Variants in MYRIP observed in about 807,000 individuals in gnomAD.
The protein encoded by MYRIP is rab effector MyRIP.
Under a neutral mutation model 98.0 loss-of-function variants are expected in MYRIP, and 49 were observed. That is an observed-to-expected ratio of 0.50 (90% CI 0.40 to 0.63). The LOEUF (loss-of-function observed/expected upper bound fraction) is 0.63, where lower values mean the gene tolerates loss of function less well. MYRIP is among the 30% of genes least tolerant of loss of function. MYRIP has a pLI of 0.00. For synonymous variants in MYRIP, 404 were observed against 409.5 expected (o/e 0.99, Z 0.16); for missense variants, 1,004 against 1,058.2 (o/e 0.95, Z 0.71).
chr3:40,194,531 T>C (rs751906407), intron 10 of MYRIP, among the ~76,000 whole-genome samples: 3 of 152,088 alleles, frequency 2.0e-5, no homozygotes, highest in Non-Finnish European at 4.4e-5. Context: ...AATGATGATA[T>C]CATTTTCTAA....
intron 2 of MYRIP, among the ~76,000 whole-genome samples, chr3:40,003,993 A>G (rs1313880674): frequency 3.9e-5 from 6 of 152,130 alleles, no homozygotes; most frequent in Non-Finnish European, 8.8e-5. Context: ...CTTTTTTACT[A>G]TGAAAAACTT....
chr3:40,025,588 G>T (rs145231015), intron 2 of MYRIP, among the ~76,000 whole-genome samples: 1 of 152,080 alleles, frequency 6.6e-6, no homozygotes, highest in African/African-American at 2.4e-5. Context: ...GGGGGAACCC[G>T]CCCCCAATAT....
At chr3:40,039,245 A>G (rs1415812969) in intron 2 of MYRIP, among the ~76,000 whole-genome samples, 2 of 152,192 alleles carry the variant, frequency 1.3e-5, no homozygotes, top group African/African-American at 4.8e-5. Context: ...CACATAGACC[A>G]TGCCTCAAAC....
At chr3:40,003,855 A>G (rs1035529188) in intron 2 of MYRIP, among the ~76,000 whole-genome samples, 1 of 152,178 alleles carries the variant, frequency 6.6e-6, no homozygotes, top group African/African-American at 2.4e-5. Flanking sequence ...CTAAGACTCT[A>G]AGAGGTTTAT....
chr3:39,834,174 T>C (rs1443190077), intron 1 of MYRIP, among the ~76,000 whole-genome samples: 2 of 152,242 alleles, frequency 1.3e-5, no homozygotes, highest in African/African-American at 2.4e-5. Context: ...TTATTTAAGA[T>C]GAAGCTGCAG....
chr3:40,253,717 G>A (rs1168259181), intron 16 of MYRIP, among the ~76,000 whole-genome samples: 1 of 152,300 alleles, frequency 6.6e-6, no homozygotes, highest in African/African-American at 2.4e-5. Context: ...TTACAACCTC[G>A]ATGTTGGATC....
intron 3 of MYRIP, among the ~76,000 whole-genome samples, chr3:40,140,759 T>C (rs1949875588): frequency 6.6e-6 from 1 of 152,204 alleles, no homozygotes; most frequent in Non-Finnish European, 1.5e-5. Flanking sequence ...TGTGTGTATG[T>C]CTTTTTTAAA....
intron 13 of MYRIP, among the ~76,000 whole-genome samples, chr3:40,247,860 G>A (rs1465022013): frequency 1.3e-5 from 2 of 152,240 alleles, no homozygotes; most frequent in African/African-American, 4.8e-5. Context: ...GTGGTTTCCT[G>A]GGAAATGTGT....
intron 11 of MYRIP, among the ~76,000 whole-genome samples, chr3:40,212,523 C>A (rs1951994134): frequency 1.3e-5 from 2 of 152,200 alleles, no homozygotes; most frequent in East Asian, 3.9e-4. Flanking sequence ...AATCCCAGCA[C>A]TTTGGGAGGC....
At chr3:39,939,279 A>G (rs1186181150) in intron 2 of MYRIP, among the ~76,000 whole-genome samples, 1 of 152,198 alleles carries the variant, frequency 6.6e-6, no homozygotes, top group Non-Finnish European at 1.5e-5. Context: ...AGCTCAAGAA[A>G]GAGCAGCCAG....
At chr3:40,187,300 G>T (rs989814479) in intron 9 of MYRIP, among the ~76,000 whole-genome samples, 2 of 152,176 alleles carry the variant, frequency 1.3e-5, no homozygotes, top group African/African-American at 4.8e-5. Context: ...AGGCCCAGAG[G>T]TGTTCTCTAA....
At position 40,026,223 on chromosome 3, in the gene MYRIP, C is replaced by T. The variant is rs540638727; in HGVS notation, c.111-17827C>T. 6.6e-5 allele frequency among the ~76,000 whole-genome samples: 10 copies of T among 152,240 alleles called. No homozygotes were observed. In the East Asian group the frequency reaches 1.7e-3, roughly 27 times the overall value. ...AAAGAATTTAGTGATATCTCTCCTA[C>T]TTGCACGTCTGTTTGTAGGCTCTCT... On this transcript the variant is annotated intron_variant, in intron 2 of 16. Transcript: ENST00000302541.
intron 2 of MYRIP, among the ~76,000 whole-genome samples, chr3:40,024,644 C>T (rs1947082138): frequency 6.6e-6 from 1 of 151,576 alleles, no homozygotes; most frequent in African/African-American, 2.4e-5. Context: ...TGGTATAATA[C>T]GAGTGTACAG....
intron 1 of MYRIP, among the ~76,000 whole-genome samples, chr3:39,818,794 T>C (rs1410399806): frequency 6.6e-6 from 1 of 152,138 alleles, no homozygotes; most frequent in Admixed American, 6.5e-5. Flanking sequence ...ATTTGACCAT[T>C]TGATGCCAAA....
chr3:40,189,362 T>A (rs116683984), intron 9 of MYRIP, among the ~76,000 whole-genome samples: 2 of 152,298 alleles, frequency 1.3e-5, no homozygotes, highest in African/African-American at 4.8e-5. Flanking sequence ...CAAGAGCAGA[T>A]GTGTTAACCT....
In MYRIP at chr3:40,255,040, G is replaced by A. The variant is rs181930956; in HGVS notation, c.2547+3041G>A. Among the ~76,000 whole-genome samples the A allele has an allele frequency of 2.5e-4, 38 of 152,188 alleles. No homozygotes were observed. In the East Asian group the frequency reaches 5.4e-3, roughly 22 times the overall value. On this transcript the variant is annotated intron_variant, in intron 16 of 16. Transcript: ENST00000302541. ...CCTTTTGAAATAAAAGTTACTCTCA[G>A]GCATTACATGGCAATAGCTCTACTC... is the stretch of plus-strand genomic sequence containing the variant.
chr3:40,092,710 G>T (rs1948753500), intron 3 of MYRIP, among the ~76,000 whole-genome samples: 1 of 152,178 alleles, frequency 6.6e-6, no homozygotes, highest in Non-Finnish European at 1.5e-5. Context: ...GAGATGAGAT[G>T]AGAGAAGTTC....
At chr3:40,156,432 C>T (rs1215772642) in intron 4 of MYRIP, among the ~76,000 whole-genome samples, 2 of 152,158 alleles carry the variant, frequency 1.3e-5, no homozygotes, top group Admixed American at 6.5e-5. Flanking sequence ...AGTGTGATGC[C>T]TCCAGCTTTG....
intron 11 of MYRIP, among the ~76,000 whole-genome samples, chr3:40,218,625 T>TATATATA (rs1952220011): frequency 1.2e-4 from 2 of 17,072 alleles, no homozygotes; most frequent in African/African-American, 2.1e-4. Flanking sequence ...TATATATATA[T>TATATATA]ATATATATAT....
Sources: gnomAD v4.1 joint callset for allele counts (sites outside exome capture counted in the v4.1 genomes callset) on GRCh38, gnomAD v4.1.1 for gene constraint, MANE v1.5 for transcripts, NCBI Gene and HGNC (gene_info 2026-07-23, HGNC 2026-07-21) for gene names.